The following MAMDC4 variants were observed in gnomAD, a reference collection of about 807,000 sequenced individuals.
The protein encoded by MAMDC4 is apical endosomal glycoprotein.
In MAMDC4, 168 loss-of-function variants were observed where a neutral mutation model predicts 153.3. The ratio of observed to expected loss-of-function variants is 1.10; its 90% confidence interval spans 0.97 to 1.25. The LOEUF is 1.25. Among genes scored for constraint, MAMDC4 ranks in the 50% most tolerant of loss-of-function variants. MAMDC4 has a pLI of 0.00. For synonymous variants in MAMDC4, 744 were observed against 651.5 expected (o/e 1.14, Z -2.16); for missense variants, 1,701 against 1,542.8 (o/e 1.10, Z -1.72).
chr9:136,859,453 G>C (rs1339823799), intron 25 of MAMDC4, 136 bp downstream of exon 25: 2 of 805,784 alleles, frequency 2.5e-6, no homozygotes, highest in African/African-American at 1.7e-5. Flanking sequence ...AGAGCTGCCA[G>C]GCCCAGGCCC....
At position 136,852,403 on chromosome 9, in the gene MAMDC4, C is replaced by T. The variant is rs751379721; in HGVS notation, c.-14C>T. 4 of 1,609,124 alleles carry T rather than the reference C, an allele frequency of 2.5e-6. No individual in the cohort carries two copies. The Admixed American group carries it at 5.0e-5, about 20-fold the overall frequency. On this transcript the variant is annotated 5_prime_UTR_variant, in exon 1 of 27. Coordinates refer to ENST00000317446, the MANE Select transcript of MAMDC4 (RefSeq NM_206920.3). ...GGCACCCTGTGTGGCCGCACTGCTC[C>T]CTCTGGCCCAACCATGCCTCTGTCC...
At chr9:136,856,563 G>T (rs747877575) in intron 14 of MAMDC4, 147 bp from the exon 15 acceptor site, 1 of 833,978 alleles carries the variant, frequency 1.2e-6, no homozygotes, top group African/African-American at 1.7e-5. Flanking sequence ...AGTGACCACC[G>T]AGAGAGACAG....
In MAMDC4 at chr9:136,858,495, C is replaced by G. The variant is rs758159629; in HGVS notation, c.2770C>G (p.Pro924Ala). The change falls in exon 22 of 27, where the codon CCC becomes GCC. Residue 924 changes from proline to alanine, a missense_variant. By Grantham distance (27) the Pro-to-Ala change is conservative. Transcript: ENST00000317446. ...YSWDWGGGATPSRYPQPPVDH... is the reference protein window; with the variant it reads ...YSWDWGGGATASRYPQPPVDH... ...CTGGGACTGGGGCGGGGGAGCCACC[C>G]CCTCTCGTTACCCCCAGCCCCCTGT... is the stretch of plus-strand genomic sequence containing the variant. The G allele has an allele frequency of 6.2e-7, 1 of 1,607,342 alleles. No individual in the cohort carries two copies. The highest frequency in any genetic ancestry group is 8.5e-7 in the Non-Finnish European group (1 of 1,178,250).
Position 136,853,455 on chromosome 9 carries a change from T to C in MAMDC4, c.325T>C (p.Leu109=). The C allele has an allele frequency of 1.2e-6, 2 of 1,603,814 alleles. No homozygotes were observed. The highest frequency in any genetic ancestry group is 2.2e-5 in the South Asian group (2 of 90,464). ...CTCAGACCACACACTGGGCACCGACTTGGGTGAGGCCAGGGCAAGTCTCTG... is the reference window on the plus strand; with the variant it reads ...CTCAGACCACACACTGGGCACCGACCTGGGTGAGGCCAGGGCAAGTCTCTG... ...PHSDHTLGTD[L]GWYMAVGTHR... The change falls in exon 3 of 27, where the codon TTG becomes CTG. Residue 109 remains leucine (L), a synonymous_variant. Coordinates refer to ENST00000317446, the MANE Select transcript of MAMDC4 (RefSeq NM_206920.3).
In MAMDC4 at chr9:136,855,233, CCT is replaced by C. The variant is rs765508702; in HGVS notation, c.1198-20_1198-19del. 42 of 1,581,854 alleles carry C rather than the reference CCT, an allele frequency of 2.7e-5. No individual in the cohort carries two copies. Among genetic ancestry groups the C allele is most frequent in the East Asian group, 9.0e-5 (4 of 44,650 alleles). On this transcript the variant is annotated intron_variant, in intron 10 of 26. Coordinates refer to ENST00000317446, the MANE Select transcript of MAMDC4 (RefSeq NM_206920.3). ...CCAGGGGGAAATAGGCTGGGCACCC[CCT>C]GAGCCCCTCTGCCCTCAGATCCTCC...
rs1849054084 is a variant in MAMDC4 at position 136,859,376 on chromosome 9, G to C, written c.3193+59G>C. On this transcript the variant is annotated intron_variant, in intron 25 of 26. Transcript: ENST00000317446. ...GGGCCCAAGGGGCCAGCCTGGCTCG[G>C]GGTTTGCCAGGCTTACCAGTGTGTG... The C allele has an allele frequency of 2.7e-6, 4 of 1,459,464 alleles. No homozygotes were observed. In the South Asian group the frequency reaches 3.8e-5, roughly 14 times the overall value. The allele number at this position is 1,459,464 out of a possible 1,614,324, so 90.4% of individuals were successfully genotyped here. A position where few individuals can be genotyped will look rare whatever the true frequency, so the allele number is the denominator to read the frequency against.
rs773298212 is a variant in MAMDC4, at chr9:136,853,314, G to C, written c.184G>C (p.Ala62Pro). 1 of 1,601,792 alleles carries C rather than the reference G, an allele frequency of 6.2e-7. No homozygotes were observed. Among genetic ancestry groups the C allele is most frequent in the Admixed American group, 1.7e-5 (1 of 59,502 alleles). Residue 62 changes from alanine (A) to proline (P), a missense_variant, in exon 3 of 27, where the codon GCC becomes CCC. Ala to Pro is a conservative substitution (Grantham distance 27). Coordinates refer to ENST00000317446, the MANE Select transcript of MAMDC4 (RefSeq NM_206920.3). ...GYHGASPTLGAPFACDFEQDP... is the reference protein window; with the variant it reads ...GYHGASPTLGPPFACDFEQDP... ...CCACGGGGCCTCGCCCACCCTGGGC[G>C]CCCCCTTCGCCTGTGACTTCGAGCA... is the stretch of plus-strand genomic sequence containing the variant.
intron 25 of MAMDC4, 24 bp downstream of exon 25, chr9:136,859,341 G>T: frequency 1.3e-6 from 2 of 1,588,994 alleles, no homozygotes; most frequent in Non-Finnish European, 1.7e-6. Context: ...TGCAGTGGAG[G>T]CACGGAGGAG....
Position 136,854,533 on chromosome 9 carries a change from C to A in MAMDC4, c.797-6C>A. The A allele has an allele frequency of 6.2e-7, 1 of 1,601,796 alleles. No individual in the cohort carries two copies. The highest frequency in any genetic ancestry group is 8.5e-7 in the Non-Finnish European group (1 of 1,175,506). On this transcript the variant is annotated splice_region_variant and splice_polypyrimidine_tract_variant and intron_variant, in intron 7 of 26. Coordinates refer to ENST00000317446, the MANE Select transcript of MAMDC4 (RefSeq NM_206920.3). ...GTGGCCCTGACACGCCCACCTCCTG[C>A]CCTAGGCCGCCACATAGCCACCGAC...
Position 136,858,168 on chromosome 9 carries a change from C to G in MAMDC4, c.2584-18C>G, listed in dbSNP as rs1365465168. On this transcript the variant is annotated intron_variant, in intron 20 of 26. Coordinates refer to ENST00000317446, the MANE Select transcript of MAMDC4 (RefSeq NM_206920.3). The stretch of plus-strand genomic sequence containing the variant: ...GCTGCCTGGACCCGCTGAGGCTGCC[C>G]TGCCCTGCACCCGCCAGGTGGTGTT... 1 of 1,565,610 alleles carries G rather than the reference C, an allele frequency of 6.4e-7. No individual in the cohort carries two copies. Among genetic ancestry groups the G allele is most frequent in the Admixed American group, 1.8e-5 (1 of 54,782 alleles).
rs1849024761 is a variant in MAMDC4, at chr9:136,857,553, C to T, written c.2293C>T (p.Pro765Ser). The change falls in exon 18 of 27, where the codon CCC becomes TCC. Residue 765 changes from proline (P) to serine (S), a missense_variant. By Grantham distance (74) the Pro-to-Ser change is moderately conservative. Transcript: ENST00000317446. ...ANASGHAAWG[P>S]PTDHTTETAQ... ...TGCCTCGGGCCATGCTGCCTGGGGC[C>T]CCCCAACAGACCATACCACTGAGAC... The T allele has an allele frequency of 6.2e-7, 1 of 1,612,124 alleles. No individual in the cohort carries two copies. Among genetic ancestry groups the T allele is most frequent in the Non-Finnish European group, 8.5e-7 (1 of 1,179,938 alleles).
intron 4 of MAMDC4, 24 bp from the exon 5 acceptor site, chr9:136,853,753 G>T: frequency 1.9e-6 from 3 of 1,607,330 alleles, no homozygotes; most frequent in African/African-American, 1.3e-5. Flanking sequence ...GGCCGCAGCT[G>T]CCCTGGGACC....
rs1220591540 is a variant in MAMDC4, at chr9:136,858,016, C to T, written c.2502C>T (p.His834=). 6.6e-7 allele frequency: 1 copy of T among 1,525,966 alleles called. No homozygotes were observed. Among genetic ancestry groups the T allele is most frequent in the Non-Finnish European group, 8.8e-7 (1 of 1,139,970 alleles). The allele number at this position is 1,525,966 out of a possible 1,614,324, so 94.5% of individuals were successfully genotyped here. A position where few individuals can be genotyped will look rare whatever the true frequency, so the allele number is the denominator to read the frequency against. ...TCTACCTGGAGGAGCGCGGGAGGCA[C>T]CAGGTGCTCAGCCTCAGTGCCCACG... ...LRVYLEERGR[H]QVLSLSAHGG... The change falls in exon 20 of 27, where the codon CAC becomes CAT. Residue 834 remains histidine, a synonymous_variant. Coordinates refer to ENST00000317446, the MANE Select transcript of MAMDC4 (RefSeq NM_206920.3).
Position 136,854,288 on chromosome 9 carries a change from G to C in MAMDC4, c.748G>C (p.Gly250Arg). Residue 250 changes from glycine (G) to arginine (R), a missense_variant, in exon 7 of 27, where the codon GGG (glycine) becomes CGG (arginine). By Grantham distance (125) the Gly-to-Arg change is moderately radical (BLOSUM62 -2). Coordinates refer to ENST00000317446, the MANE Select transcript of MAMDC4 (RefSeq NM_206920.3). ...VCVEPQQLCDGEDNCGDLSDE... is the reference protein window; with the variant it reads ...VCVEPQQLCDREDNCGDLSDE... ...CGTGGAGCCCCAGCAGCTGTGCGAC[G>C]GGGAAGACAACTGCGGGGACCTGTC... 7 of 1,605,506 alleles carry C rather than the reference G, an allele frequency of 4.4e-6. No individual in the cohort carries two copies. Among genetic ancestry groups the C allele is most frequent in the Non-Finnish European group, 5.9e-6 (7 of 1,176,668 alleles).
In MAMDC4 at chr9:136,859,246, T is replaced by G. The variant is rs539223895; in HGVS notation, c.3122T>G (p.Leu1041Arg). ...GCCACTCTGGGCGGCCAGCCAGCCC[T>G]GGGGCCCATTGCCCTGGATGACGTG... Reference protein sequence around the residue: ...FEATLGGQPALGPIALDDVEY... With the variant: ...FEATLGGQPARGPIALDDVEY... Residue 1041 changes from leucine to arginine, a missense_variant, in exon 25 of 27, where the codon CTG (leucine) becomes CGG (arginine). Physicochemically the swap from Leu to Arg is moderately radical, Grantham distance 102. Transcript: ENST00000317446. The G allele has an allele frequency of 6.2e-7, 1 of 1,612,030 alleles. No individual in the cohort carries two copies. Among genetic ancestry groups the G allele is most frequent in the Non-Finnish European group, 8.5e-7 (1 of 1,179,528 alleles).
Position 136,859,247 on chromosome 9 carries a change from G to A in MAMDC4, c.3123G>A (p.Leu1041=), listed in dbSNP as rs1391315548. Reference sequence around the variant, plus strand: ...CCACTCTGGGCGGCCAGCCAGCCCTGGGGCCCATTGCCCTGGATGACGTGG... The same window carrying A: ...CCACTCTGGGCGGCCAGCCAGCCCTAGGGCCCATTGCCCTGGATGACGTGG... ...FEATLGGQPA[L]GPIALDDVEY... The change falls in exon 25 of 27, where the codon CTG becomes CTA. Residue 1041 remains leucine (L), a synonymous_variant. Transcript: ENST00000317446. The A allele has an allele frequency of 5.6e-6, 9 of 1,612,082 alleles. No individual in the cohort carries two copies. Among genetic ancestry groups the A allele is most frequent in the African/African-American group, 5.3e-5 (4 of 74,912 alleles).
Position 136,856,752 on chromosome 9 carries a change from C to T in MAMDC4, c.1763C>T (p.Pro588Leu). The stretch of plus-strand genomic sequence containing the variant: ...GAGCGGGACACATGCAGCTGGTACC[C>T]AGGCCACCTCTCAGACACACACTGG... ...NFERDTCSWY[P>L]GHLSDTHWRW... Residue 588 changes from proline to leucine, a missense_variant, in exon 15 of 27, where the codon CCA becomes CTA. By Grantham distance (98) the Pro-to-Leu change is moderately conservative. Transcript: ENST00000317446. 1 of 1,612,492 alleles carries T rather than the reference C, an allele frequency of 6.2e-7. No homozygotes were observed.
intron 14 of MAMDC4, chr9:136,856,452 T>C (rs745317383): frequency 9.0e-6 from 7 of 776,850 alleles, no homozygotes; most frequent in Non-Finnish European, 1.4e-5. Context: ...CTCATCCCCC[T>C]ACCCCATGAA....
chr9:136,854,334 G>C lies in MAMDC4; in HGVS notation c.794G>C (p.Cys265Ser), dbSNP rs755351494. ...GDLSDENPLT[C>S]GRHIATDFET... is the part of the protein sequence containing the mutation. ...CTGTCTGATGAGAACCCACTCACCTGTGGTGAGGCCGGAGTGGGGGCCCAG... is the reference window on the plus strand; with the variant it reads ...CTGTCTGATGAGAACCCACTCACCTCTGGTGAGGCCGGAGTGGGGGCCCAG... The change falls in exon 7 of 27, where the codon TGT becomes TCT. Residue 265 changes from cysteine to serine, a missense_variant and splice_region_variant. Coordinates refer to ENST00000317446, the MANE Select transcript of MAMDC4 (RefSeq NM_206920.3). 3.2e-6 allele frequency: 5 copies of C among 1,563,204 alleles called. No homozygotes were observed. The highest frequency in any genetic ancestry group is 4.3e-6 in the Non-Finnish European group (5 of 1,154,638).
Sources: gnomAD v4.1 joint callset for allele counts on GRCh38, gnomAD v4.1.1 for gene constraint, MANE v1.5 for transcripts, NCBI Gene and HGNC (gene_info 2026-07-23, HGNC 2026-07-21) for gene names.